CADM2: variants seen among roughly 807,000 people sequenced by gnomAD.
The protein encoded by CADM2 is cell adhesion molecule 2.
A neutral mutation model predicts 49.8 loss-of-function variants in CADM2; 12 were observed. The ratio of observed to expected loss-of-function variants is 0.24; its 90% CI spans 0.15 to 0.39. CADM2 has a LOEUF of 0.39. Ranked by LOEUF, CADM2 falls within the 10% of genes least tolerant of loss-of-function variation. The pLI is 1.00. For missense variants in CADM2, 378 were observed against 492.3 expected (o/e 0.77, Z 2.20); for synonymous variants, 214 against 175.4 (o/e 1.22, Z -1.74).
chr3:85,436,099 G>A (rs2036916855), intron 1 of CADM2, among the ~76,000 whole-genome samples: 1 of 152,000 alleles, frequency 6.6e-6, no homozygotes, highest in African/African-American at 2.4e-5. Flanking sequence ...CCTTGCCCAT[G>A]CCTGTGTCCT....
chr3:86,021,581 A>C (rs960062660), intron 8 of CADM2, among the ~76,000 whole-genome samples: 8 of 152,196 alleles, frequency 5.3e-5, no homozygotes, highest in African/African-American at 2.4e-5. Flanking sequence ...GGTTTCAAGT[A>C]AATGATGTGC....
At chr3:85,280,184 A>C (rs979522627) in intron 1 of CADM2, among the ~76,000 whole-genome samples, 2 of 151,508 alleles carry the variant, frequency 1.3e-5, no homozygotes, top group African/African-American at 4.8e-5. Context: ...TCTCCCCTTC[A>C]CATGTACTTT....
chr3:85,942,619 A>G (rs1461693334), intron 7 of CADM2, among the ~76,000 whole-genome samples: 1 of 151,764 alleles, frequency 6.6e-6, no homozygotes, highest in Admixed American at 6.6e-5. Context: ...TTTACTGAGA[A>G]TGATGATTTC....
intron 8 of CADM2, among the ~76,000 whole-genome samples, chr3:86,009,031 G>A (rs891131100): frequency 2.7e-5 from 4 of 150,182 alleles, no homozygotes; most frequent in Non-Finnish European, 4.4e-5. Flanking sequence ...AGTATTGACT[G>A]CATACTGAAG....
intron 1 of CADM2, among the ~76,000 whole-genome samples, chr3:85,165,080 T>C (rs1010157623): frequency 1.3e-5 from 2 of 151,818 alleles, no homozygotes; most frequent in African/African-American, 4.8e-5. Flanking sequence ...GGCCCCAGTA[T>C]AATGGGATTT....
intron 2 of CADM2, chr3:85,800,371 G>C (rs2108068360): frequency 6.6e-6 from 1 of 152,372 alleles, no homozygotes; most frequent in East Asian, 1.9e-4. Context: ...CCTGGCTTCA[G>C]CCGTCTTTCC....
At chr3:85,659,708 G>A (rs2065339705) in intron 1 of CADM2, among the ~76,000 whole-genome samples, 1 of 152,028 alleles carries the variant, frequency 6.6e-6, no homozygotes, top group Admixed American at 6.6e-5. Flanking sequence ...CATTGTCCAG[G>A]CCTTAATGCA....
At position 86,071,166 on chromosome 3, in the gene CADM2, T is replaced by A. The variant is rs1257811947; in HGVS notation, c.*4383T>A. 1.3e-5 allele frequency: 2 copies of A among 151,964 alleles called. No homozygotes were observed. The highest frequency in any genetic ancestry group is 2.4e-5 in the African/African-American group (1 of 41,438). The allele number at this position is 151,964 out of a possible 1,614,324, so 9.4% of individuals were successfully genotyped here. On this transcript the variant is annotated 3_prime_UTR_variant, in exon 10 of 10. Coordinates refer to ENST00000383699, the MANE Select transcript of CADM2 (RefSeq NM_001167675.2). ...TTTTAAATTTCGATTCATATCTCATTGAATTGGGAATTCTTCAATTTTGTT... is the reference window on the plus strand; with the variant it reads ...TTTTAAATTTCGATTCATATCTCATAGAATTGGGAATTCTTCAATTTTGTT...
intron 1 of CADM2, among the ~76,000 whole-genome samples, chr3:85,292,850 A>G (rs1208713493): frequency 2.6e-5 from 4 of 152,176 alleles, no homozygotes; most frequent in African/African-American, 4.8e-5. Flanking sequence ...AAGATCCAAA[A>G]CTGACACCCT....
At chr3:85,732,939 A>G (rs940574726) in intron 2 of CADM2, among the ~76,000 whole-genome samples, 3 of 152,208 alleles carry the variant, frequency 2.0e-5, no homozygotes, top group Non-Finnish European at 4.4e-5. Context: ...AACTTACCTG[A>G]ATCTCATTCA....
At chr3:86,065,924 T>A (rs570277982) in intron 9 of CADM2, among the ~76,000 whole-genome samples, 194 bp downstream of exon 9, 1 of 152,286 alleles carries the variant, frequency 6.6e-6, no homozygotes, top group Admixed American at 6.5e-5. Context: ...AGCAAAATAA[T>A]GTTTAGCCAA....
Position 85,906,025 on chromosome 3 carries a change from C to A in CADM2, c.530-6348C>A, listed in dbSNP as rs150230964. Among the ~76,000 whole-genome samples, 214 of 152,234 alleles carry A rather than the reference C, an allele frequency of 1.4e-3. 2 individuals are homozygous for A. The highest frequency in any genetic ancestry group is 1.9e-3 in the Non-Finnish European group (126 of 67,996). The stretch of plus-strand genomic sequence containing the variant: ...AAATAGTTTGATTACCAGAAAATTG[C>A]ATCATCATAAATGTTTCAAAGAAGT... On this transcript the variant is annotated intron_variant, in intron 5 of 9. Transcript: ENST00000383699.
At chr3:85,216,502 G>A (rs547485966) in intron 1 of CADM2, among the ~76,000 whole-genome samples, 12 of 151,580 alleles carry the variant, frequency 7.9e-5, no homozygotes, top group African/African-American at 2.9e-4. Context: ...CATATTCTTT[G>A]CTGCAAATTA....
intron 1 of CADM2, among the ~76,000 whole-genome samples, chr3:85,650,165 G>A (rs1327740364): frequency 1.3e-5 from 2 of 152,028 alleles, no homozygotes; most frequent in African/African-American, 2.4e-5. Context: ...GTTCTCAGCC[G>A]GCAGCTCTTC....
intron 1 of CADM2, among the ~76,000 whole-genome samples, chr3:85,442,588 GTATATATATATATATA>G (rs55882841): frequency 0.014 from 1,686 of 120,908 alleles, 33 homozygotes; most frequent in African/African-American, 0.041. Context: ...TTATATATGA[GTATATATATATATATA>G]TATATATATA....
chr3:85,495,999 T>C (rs563144520), intron 1 of CADM2, among the ~76,000 whole-genome samples: 27 of 152,168 alleles, frequency 1.8e-4, no homozygotes, highest in Non-Finnish European at 2.8e-4. Flanking sequence ...ACAATTAAAA[T>C]GATTCCTATG....
At chr3:85,307,288 G>A (rs1034063202) in intron 1 of CADM2, among the ~76,000 whole-genome samples, 21 of 151,168 alleles carry the variant, frequency 1.4e-4, no homozygotes, top group African/African-American at 5.1e-4. Flanking sequence ...AATAAAATTA[G>A]GAAACATAGA....
At chr3:85,761,077 C>T (rs1398186513) in intron 2 of CADM2, among the ~76,000 whole-genome samples, 1 of 152,108 alleles carries the variant, frequency 6.6e-6, no homozygotes, top group Non-Finnish European at 1.5e-5. Context: ...AAGTCCCTAT[C>T]AGGATTACCT....
chr3:85,198,553 A>C (rs575723798), intron 1 of CADM2, among the ~76,000 whole-genome samples: 1 of 151,924 alleles, frequency 6.6e-6, no homozygotes, highest in African/African-American at 2.4e-5. Context: ...CTCTTGGCTA[A>C]CTTTATATGA....
Sources: allele counts gnomAD v4.1 joint callset (sites outside exome capture counted in the v4.1 genomes callset), GRCh38; gene constraint gnomAD v4.1.1; transcripts MANE v1.5; gene names NCBI Gene and HGNC (gene_info 2026-07-23, HGNC 2026-07-21).